Variants in ADGRB3 observed in about 807,000 individuals in gnomAD.
ADGRB3 encodes adhesion G protein-coupled receptor B3.
A neutral mutation model predicts 193.4 loss-of-function variants in ADGRB3; 37 were observed. The observed-to-expected ratio is 0.19, with a 90% CI of 0.15 to 0.25. ADGRB3 has a LOEUF of 0.25. ADGRB3 is among the 10% of genes least tolerant of loss of function. The pLI, the probability that ADGRB3 is intolerant of heterozygous loss-of-function variation, is 1.00. For missense variants in ADGRB3, 1,637 were observed against 1,852.9 expected, an observed-to-expected ratio of 0.88 and a Z score of 2.14; for synonymous variants, 690 against 644.2, an observed-to-expected ratio of 1.07 and a Z score of -1.08.
intron 3 of ADGRB3, among the ~76,000 whole-genome samples, chr6:68,888,835 T>A (rs1456871676): frequency 1.3e-5 from 2 of 152,112 alleles, no homozygotes; most frequent in Non-Finnish European, 2.9e-5. Flanking sequence ...ACAAATGGGG[T>A]GGTCCTGAGA....
At chr6:69,024,001 A>G (rs1770348842) in intron 13 of ADGRB3, among the ~76,000 whole-genome samples, 1 of 152,200 alleles carries the variant, frequency 6.6e-6, no homozygotes, top group Non-Finnish European at 1.5e-5. Flanking sequence ...AAAAAATAAA[A>G]TGAGAACTTG....
At position 68,735,769 on chromosome 6, in the gene ADGRB3, T is replaced by C. The variant is rs144771674; in HGVS notation, c.757+96337T>C. Among the ~76,000 whole-genome samples the C allele has an allele frequency of 3.8e-4, 58 of 152,212 alleles. No homozygotes were observed. The East Asian group carries it at 9.5e-3, about 25-fold the overall frequency. ...TTTTATAGAGAAAAAGAACTCAAGA[T>C]TGCATAAGCCCATATTAGCAGCAAA... On this transcript the variant is annotated intron_variant, in intron 3 of 31. Transcript: ENST00000370598.
chr6:69,090,918 TCC>T (rs1328958565), intron 17 of ADGRB3, among the ~76,000 whole-genome samples: 1 of 152,162 alleles, frequency 6.6e-6, no homozygotes. Context: ...GAAGAAACTT[TCC>T]TGAAATTTGA....
At chr6:68,761,427 G>A (rs1338470159) in intron 3 of ADGRB3, among the ~76,000 whole-genome samples, 1 of 151,270 alleles carries the variant, frequency 6.6e-6, no homozygotes, top group Non-Finnish European at 1.5e-5. Flanking sequence ...GTGCTACTTT[G>A]AACCTAAATT....
intron 17 of ADGRB3, among the ~76,000 whole-genome samples, chr6:69,141,976 G>A (rs1214059544): frequency 6.6e-6 from 1 of 152,144 alleles, no homozygotes; most frequent in Non-Finnish European, 1.5e-5. Context: ...GCTCAGGATG[G>A]ATTATATCTT....
chr6:68,795,191 A>G (rs937151415), intron 3 of ADGRB3, among the ~76,000 whole-genome samples: 1 of 152,030 alleles, frequency 6.6e-6, no homozygotes, highest in African/African-American at 2.4e-5. Context: ...CTGGCATTTC[A>G]TGTATATGTC....
chr6:69,274,235 T>C (rs1299626321), intron 20 of ADGRB3, among the ~76,000 whole-genome samples: 1 of 152,204 alleles, frequency 6.6e-6, no homozygotes, highest in Non-Finnish European at 1.5e-5. Flanking sequence ...CACAAACCTT[T>C]CACCTCTGGG....
chr6:69,249,345 A>G (rs1183204746), intron 20 of ADGRB3, among the ~76,000 whole-genome samples: 1 of 152,210 alleles, frequency 6.6e-6, no homozygotes, highest in Non-Finnish European at 1.5e-5. Context: ...ATTGGTTACC[A>G]GTGTATAAAA....
At chr6:69,377,170 G>A (rs1039318334) in intron 30 of ADGRB3, among the ~76,000 whole-genome samples, 1 of 151,952 alleles carries the variant, frequency 6.6e-6, no homozygotes, top group Non-Finnish European at 1.5e-5. Flanking sequence ...ATTCACTTTA[G>A]GCTAATATTC....
intron 6 of ADGRB3, among the ~76,000 whole-genome samples, chr6:68,948,238 CT>C (rs1342942791): frequency 6.6e-6 from 1 of 152,108 alleles, no homozygotes; most frequent in Non-Finnish European, 1.5e-5. Flanking sequence ...TCGTATGCTA[CT>C]GATGTTTTCT....
At chr6:69,021,781 C>A (rs116099193) in intron 13 of ADGRB3, among the ~76,000 whole-genome samples, 4 of 151,810 alleles carry the variant, frequency 2.6e-5, no homozygotes, top group African/African-American at 9.6e-5. Flanking sequence ...TGAAAAAGTT[C>A]GAAGCTTCTT....
intron 17 of ADGRB3, among the ~76,000 whole-genome samples, chr6:69,138,397 C>T (rs891704102): frequency 2.6e-5 from 4 of 152,228 alleles, no homozygotes; most frequent in African/African-American, 9.6e-5. Context: ...ATGACTCTGA[C>T]ATGGTACCAT....
chr6:68,642,823 A>G (rs953518856), intron 3 of ADGRB3, among the ~76,000 whole-genome samples: 4 of 151,932 alleles, frequency 2.6e-5, no homozygotes, highest in African/African-American at 9.7e-5. Context: ...AAAAACTCAA[A>G]TAACATTATG....
At chr6:69,264,574 A>G (rs900860678) in intron 20 of ADGRB3, among the ~76,000 whole-genome samples, 1 of 151,270 alleles carries the variant, frequency 6.6e-6, no homozygotes, top group South Asian at 2.1e-4. Context: ...CAAAGCTATT[A>G]TAGTGCTGCA....
chr6:69,297,380 C>G (rs1039689056), intron 20 of ADGRB3, among the ~76,000 whole-genome samples: 1 of 123,058 alleles, frequency 8.1e-6, no homozygotes, highest in East Asian at 2.2e-4. Context: ...CTCTCTCTCT[C>G]TCTCTCTCTC....
At chr6:69,139,779 T>C (rs1275620455) in intron 17 of ADGRB3, among the ~76,000 whole-genome samples, 1 of 152,242 alleles carries the variant, frequency 6.6e-6, no homozygotes, top group Non-Finnish European at 1.5e-5. Context: ...AACACAGATC[T>C]GTCTGTTGTC....
chr6:69,030,959 T>C lies in ADGRB3; in HGVS notation c.2107+12460T>C, dbSNP rs933438736. On this transcript the variant is annotated intron_variant, in intron 13 of 31. Transcript: ENST00000370598. ...TTTAATTTTCTTTTCTTTTCTTTTT[T>C]TCTTTTCTTTTCTTTTCTTTTCTTT... Among the ~76,000 whole-genome samples the C allele has an allele frequency of 2.3e-5, 2 of 88,636 alleles. 1 individual carries two copies. The highest frequency in any genetic ancestry group is 2.0e-4 in the Admixed American group (2 of 10,154). 58.1% of individuals were successfully genotyped at this position (88,636 alleles called of 152,430 possible). A position where few individuals can be genotyped will look rare whatever the true frequency, so the allele number is the denominator to read the frequency against.
chr6:69,060,400 C>G (rs1771714622), intron 15 of ADGRB3, among the ~76,000 whole-genome samples: 1 of 151,978 alleles, frequency 6.6e-6, no homozygotes, highest in South Asian at 2.1e-4. Flanking sequence ...TACTTTGCTC[C>G]TTACAGACCA....
In ADGRB3 at chr6:69,032,022, G is replaced by A. The variant is rs73745922; in HGVS notation, c.2107+13523G>A. Among the ~76,000 whole-genome samples, 1,425 of 152,260 alleles carry A rather than the reference G, an allele frequency of 9.4e-3. 23 individuals carry two copies. The highest frequency in any genetic ancestry group is 0.032 in the African/African-American group (1,327 of 41,538). On this transcript the variant is annotated intron_variant, in intron 13 of 31. Coordinates refer to ENST00000370598, the MANE Select transcript of ADGRB3 (RefSeq NM_001704.3). The stretch of plus-strand genomic sequence containing the variant: ...TAGGGAAGGTATAAAGAGAAGTGTT[G>A]CGTAAAGGGGTTGGTGGTTTGCCTC...
Sources: allele counts gnomAD v4.1 joint callset (sites outside exome capture counted in the v4.1 genomes callset), GRCh38; gene constraint gnomAD v4.1.1; transcripts MANE v1.5; gene names NCBI Gene and HGNC (gene_info 2026-07-23, HGNC 2026-07-21).